Variants in ATRNL1 observed in about 807,000 individuals in gnomAD.
The protein encoded by ATRNL1 is attractin-like protein 1.
In ATRNL1, 95 loss-of-function variants were observed where a neutral mutation model predicts 182.7. The observed-to-expected ratio is 0.52, with a 90% CI of 0.44 to 0.62. ATRNL1 has a LOEUF of 0.62. Among genes scored for constraint, ATRNL1 ranks in the 20% least tolerant of loss-of-function variants. ATRNL1 has a pLI of 0.00. For missense variants in ATRNL1, 1,471 were observed against 1,679.5 expected (o/e 0.88, Z 2.17); for synonymous variants, 576 against 568.3 (o/e 1.01, Z -0.19).
intron 21 of ATRNL1, among the ~76,000 whole-genome samples, chr10:115,432,872 A>G (rs1592650130): frequency 6.6e-6 from 1 of 152,060 alleles, no homozygotes; most frequent in African/African-American, 2.4e-5. Context: ...AACAAAGAAA[A>G]CCTTAAAAAT....
chr10:115,096,333 T>G (rs2085009949), intron 1 of ATRNL1, among the ~76,000 whole-genome samples: 1 of 152,176 alleles, frequency 6.6e-6, no homozygotes. Context: ...AAGAACACAT[T>G]GGTATTTAAT....
chr10:115,446,711 G>A (rs982278406), intron 21 of ATRNL1, among the ~76,000 whole-genome samples: 1 of 151,996 alleles, frequency 6.6e-6, no homozygotes, highest in African/African-American at 2.4e-5. Flanking sequence ...CCTGAAGTAT[G>A]AATGGTTTTG....
At chr10:115,733,849 T>G (rs1235508159) in intron 27 of ATRNL1, among the ~76,000 whole-genome samples, 1 of 152,196 alleles carries the variant, frequency 6.6e-6, no homozygotes, top group African/African-American at 2.4e-5. Flanking sequence ...TAAATATTAA[T>G]GTAAAAGATA....
chr10:115,410,971 C>T (rs374579502), intron 20 of ATRNL1, among the ~76,000 whole-genome samples: 15 of 152,126 alleles, frequency 9.9e-5, no homozygotes, highest in East Asian at 7.8e-4. Context: ...CTCCTGACCT[C>T]GTGATCCACC....
chr10:115,136,506 G>T (rs1227462005), intron 5 of ATRNL1, among the ~76,000 whole-genome samples: 15 of 152,176 alleles, frequency 9.9e-5, no homozygotes, highest in African/African-American at 3.6e-4. Flanking sequence ...CATTCTGTGG[G>T]TTTGGACAAA....
At position 115,165,579 on chromosome 10, in the gene ATRNL1, A is replaced by G. The variant is rs868979048; in HGVS notation, c.1026A>G (p.Ile342Met). Residue 342 changes from isoleucine to methionine, a missense_variant, in exon 7 of 29, where the codon ATA becomes ATG. Around this residue, in one of 3 missense-constraint regions of ATRNL1, gnomAD observed 1,031 missense variants for 1,156.0 expected, o/e 0.89. Transcript: ENST00000355044. Reference protein sequence around the residue: ...MVLNYNLESSIWNVGTPSRGP... With the variant: ...MVLNYNLESSMWNVGTPSRGP... Reference sequence around the variant, plus strand: ...TTAGTTACAATTTAGAAAGCAGTATATGGAATGTAGGAACTCCATCAAGGG... The same window carrying G: ...TTAGTTACAATTTAGAAAGCAGTATGTGGAATGTAGGAACTCCATCAAGGG... 2 of 1,531,774 alleles carry G rather than the reference A, an allele frequency of 1.3e-6. No individual in the cohort carries two copies. The highest frequency in any genetic ancestry group is 3.5e-5 in the Admixed American group (2 of 57,244). The allele number at this position is 1,531,774 out of a possible 1,614,324, so 94.9% of individuals were successfully genotyped here. A position where few individuals can be genotyped will look rare whatever the true frequency, so the allele number is the denominator to read the frequency against.
At chr10:115,533,646 G>C (rs1592803323) in intron 25 of ATRNL1, among the ~76,000 whole-genome samples, 1 of 151,634 alleles carries the variant, frequency 6.6e-6, no homozygotes, top group African/African-American at 2.4e-5. Flanking sequence ...CTTCTGCTAG[G>C]TTTTGAATGT....
rs78142709 is a variant in ATRNL1, at chr10:115,209,422, G to T, written c.1349-6275G>T. 1.5e-3 allele frequency among the ~76,000 whole-genome samples: 181 copies of T among 119,162 alleles called. 2 individuals carry two copies. The South Asian group carries it at 0.03, about 20-fold the overall frequency. 78.2% of individuals were successfully genotyped at this position (119,162 alleles called of 152,430 possible). A position where few individuals can be genotyped will look rare whatever the true frequency, so the allele number is the denominator to read the frequency against. On this transcript the variant is annotated intron_variant, in intron 8 of 28. Transcript: ENST00000355044. ...GTATCCATAAAGCATTTTTTATTTT[G>T]TTTTTTTTTTTTTCTGGTTTCTGAG... is the stretch of plus-strand genomic sequence containing the variant.
intron 26 of ATRNL1, among the ~76,000 whole-genome samples, chr10:115,664,732 G>GA (rs1364270220): frequency 3.3e-5 from 5 of 151,984 alleles, no homozygotes; most frequent in African/African-American, 7.2e-5. Flanking sequence ...TTTAGGTATA[G>GA]AAAAAAATCA....
chr10:115,504,333 G>A (rs1554980760), intron 24 of ATRNL1, among the ~76,000 whole-genome samples: 1 of 151,938 alleles, frequency 6.6e-6, no homozygotes, highest in Non-Finnish European at 1.5e-5. Context: ...TAAATTAGGA[G>A]GAATTTAGTT....
intron 26 of ATRNL1, among the ~76,000 whole-genome samples, chr10:115,552,787 C>T (rs1202977026): frequency 6.6e-6 from 1 of 151,234 alleles, no homozygotes; most frequent in Non-Finnish European, 1.5e-5. Context: ...CCCCTTCATA[C>T]ACTAACCCCA....
At chr10:115,581,567 A>G (rs71484991) in intron 26 of ATRNL1, among the ~76,000 whole-genome samples, 4,017 of 152,250 alleles carry the variant, frequency 0.026, 67 homozygotes, top group Non-Finnish European at 0.04. Flanking sequence ...CTAGTTTGAT[A>G]TATGTAAATT....
At position 115,781,453 on chromosome 10, in the gene ATRNL1, T is replaced by C. The variant is rs370150352; in HGVS notation, c.3903+54098T>C. ...AGTCAAAAGTCAATCAAGATTAAGA[T>C]AAATACATTTTAGTATAGTCACATA... On this transcript the variant is annotated intron_variant, in intron 27 of 28. Transcript: ENST00000355044. Among the ~76,000 whole-genome samples, 7 of 152,328 alleles carry C rather than the reference T, an allele frequency of 4.6e-5. No individual in the cohort carries two copies. In the East Asian group the frequency reaches 7.7e-4, roughly 17 times the overall value.
At chr10:115,352,238 AT>A (rs1368401013) in intron 19 of ATRNL1, among the ~76,000 whole-genome samples, 1 of 151,282 alleles carries the variant, frequency 6.6e-6, no homozygotes, top group Admixed American at 6.6e-5. Context: ...AATTTTAGTT[AT>A]TTTTTCCCAA....
intron 17 of ATRNL1, among the ~76,000 whole-genome samples, chr10:115,308,929 G>T (rs550727915): frequency 6.6e-6 from 1 of 152,142 alleles, no homozygotes; most frequent in South Asian, 2.1e-4. Flanking sequence ...GTTGATTTTT[G>T]TATATGGTGA....
At chr10:115,122,287 T>A (rs1297757524) in intron 3 of ATRNL1, among the ~76,000 whole-genome samples, 2 of 151,838 alleles carry the variant, frequency 1.3e-5, no homozygotes, top group African/African-American at 4.8e-5. Context: ...ATGTGAGAGT[T>A]TTATTTGTTT....
chr10:115,535,506 A>C (rs12356158), intron 25 of ATRNL1, among the ~76,000 whole-genome samples: 58,748 of 146,438 alleles, frequency 0.4, 12,438 homozygotes, highest in Middle Eastern at 0.5. Flanking sequence ...GTTATACATT[A>C]GTCTAAATTT....
intron 20 of ATRNL1, among the ~76,000 whole-genome samples, chr10:115,408,811 C>T (rs1844992064): frequency 6.6e-6 from 1 of 152,076 alleles, no homozygotes; most frequent in Non-Finnish European, 1.5e-5. Flanking sequence ...TTCCCAGAAC[C>T]GTTTATTGAA....
chr10:115,128,538 G>A (rs1346826596), intron 4 of ATRNL1: 22 of 430,858 alleles, frequency 5.1e-5, no homozygotes, highest in Admixed American at 6.4e-5. Context: ...CAAATATATA[G>A]TAGAATATAA....
Sources: gnomAD v4.1 joint callset for allele counts (sites outside exome capture counted in the v4.1 genomes callset) on GRCh38, gnomAD v4.1.1 for gene constraint, gnomAD v4.1.1 regional missense constraint, MANE v1.5 for transcripts, NCBI Gene and HGNC (gene_info 2026-07-23, HGNC 2026-07-21) for gene names.